The following PDGFRA variants were observed in gnomAD, a reference collection of about 807,000 sequenced individuals.
The protein encoded by PDGFRA is platelet-derived growth factor receptor alpha.
PDGFRA carries 25 observed loss-of-function variants against 121.5 expected under a neutral mutation model. The observed-to-expected ratio is 0.21, with a 90% confidence interval of 0.15 to 0.29. The LOEUF is 0.29. PDGFRA is among the 10% of genes least tolerant of loss of function. PDGFRA has a pLI of 1.00. For missense variants in PDGFRA, 1,008 were observed against 1,345.1 expected, an observed-to-expected ratio of 0.75 and a Z score of 3.92; for synonymous variants, 463 against 494.8, an observed-to-expected ratio of 0.94 and a Z score of 0.85.
chr4:54,260,463 T>A (rs1305203452), intron 2 of PDGFRA, among the ~76,000 whole-genome samples: 1 of 139,736 alleles, frequency 7.2e-6, no homozygotes, highest in Non-Finnish European at 1.5e-5. Flanking sequence ...CAGGTTGGAG[T>A]GCAGAGGCTG....
At chr4:54,267,769 CTT>C in intron 7 of PDGFRA, 28 bp downstream of exon 7, 2 of 1,592,950 alleles carry the variant, frequency 1.3e-6, no homozygotes, top group Non-Finnish European at 1.7e-6. Context: ...CCAAGTATGC[CTT>C]TTTTTAGTGT....
chr4:54,274,788 T>C, intron 11 of PDGFRA, 53 bp from the exon 12 acceptor site: 2 of 1,603,666 alleles, frequency 1.2e-6, no homozygotes, highest in East Asian at 2.2e-5. Flanking sequence ...AGTGAAGCTC[T>C]GGTGCACTGG....
rs889455222 is a variant in PDGFRA, at chr4:54,295,787, C to T, written c.*515C>T. 1 of 244,648 alleles carries T rather than the reference C, an allele frequency of 4.1e-6. No individual in the cohort carries two copies. The highest frequency in any genetic ancestry group is 8.0e-6 in the Non-Finnish European group (1 of 124,292). The allele number at this position is 244,648 out of a possible 1,614,324, so 15.2% of individuals were successfully genotyped here. On this transcript the variant is annotated 3_prime_UTR_variant, in exon 23 of 23. Transcript: ENST00000257290. ...AGTGCATGAAAAACCATTTTTGAAC[C>T]TTAAAAGGTACTGGTACTATAGCAT...
At chr4:54,259,675 C>T (rs1722580227) in intron 2 of PDGFRA, among the ~76,000 whole-genome samples, 1 of 152,132 alleles carries the variant, frequency 6.6e-6, no homozygotes. Flanking sequence ...TAGAATTGAG[C>T]AAGACCAGAG....
intron 1 of PDGFRA, among the ~76,000 whole-genome samples, chr4:54,236,148 G>A (rs987104490): frequency 5.9e-5 from 9 of 152,344 alleles, no homozygotes; most frequent in Admixed American, 3.3e-4. Context: ...GTTGGCATGA[G>A]GGAAGTAATT....
At chr4:54,252,687 G>A (rs1325549646) in intron 1 of PDGFRA, among the ~76,000 whole-genome samples, 4 of 152,222 alleles carry the variant, frequency 2.6e-5, no homozygotes, top group Non-Finnish European at 5.9e-5. Context: ...AGTCACCAGT[G>A]GCTTTTGGGA....
At position 54,273,531 on chromosome 4, in the gene PDGFRA, C is replaced by T. The variant is rs1723521425; in HGVS notation, c.1365-6C>T. 1.9e-6 allele frequency: 3 copies of T among 1,613,058 alleles called. No individual in the cohort carries two copies. Among genetic ancestry groups the T allele is most frequent in the African/African-American group, 2.7e-5 (2 of 74,906 alleles). On this transcript the variant is annotated splice_region_variant and splice_polypyrimidine_tract_variant and intron_variant, in intron 9 of 22. Transcript: ENST00000257290. ...GGCCCTATACTTAGGCCCTTTTTCTCTCTAGATGTAATAATGAAACTTCCT... is the reference window on the plus strand; with the variant it reads ...GGCCCTATACTTAGGCCCTTTTTCTTTCTAGATGTAATAATGAAACTTCCT...
At chr4:54,249,468 G>T (rs900261296) in intron 1 of PDGFRA, among the ~76,000 whole-genome samples, 1 of 152,200 alleles carries the variant, frequency 6.6e-6, no homozygotes, top group South Asian at 2.1e-4. Flanking sequence ...AAAATGATGA[G>T]TTCAGGTCCT....
intron 1 of PDGFRA, among the ~76,000 whole-genome samples, chr4:54,257,567 G>C (rs1204024043): frequency 1.3e-5 from 2 of 152,084 alleles, no homozygotes; most frequent in Non-Finnish European, 2.9e-5. Flanking sequence ...TTTTTGGGGG[G>C]TTATGTTAAA....
chr4:54,267,242 T>G (rs757333823), intron 5 of PDGFRA, 47 bp from the exon 6 acceptor site: 1 of 1,580,526 alleles, frequency 6.3e-7, no homozygotes, highest in South Asian at 1.1e-5. Context: ...AGTTCACTCC[T>G]AGGAGCGAGC....
At chr4:54,271,528 G>A (rs1560476574) in intron 8 of PDGFRA, among the ~76,000 whole-genome samples, 1 of 151,908 alleles carries the variant, frequency 6.6e-6, no homozygotes, top group Non-Finnish European at 1.5e-5. Flanking sequence ...AAATAACCAA[G>A]GGACTTTCTC....
At chr4:54,273,389 T>C in intron 9 of PDGFRA, 148 bp from the exon 10 acceptor site, 1 of 688,856 alleles carries the variant, frequency 1.5e-6, no homozygotes, top group Non-Finnish European at 2.6e-6. Flanking sequence ...GTTTTAATGT[T>C]CATCTGCATG....
At chr4:54,260,616 C>G (rs1444140942) in intron 2 of PDGFRA, among the ~76,000 whole-genome samples, 2 of 151,676 alleles carry the variant, frequency 1.3e-5, no homozygotes, top group East Asian at 3.9e-4. Flanking sequence ...CTACGTTGCC[C>G]AGGCTGGTCT....
Position 54,258,745 on chromosome 4 carries a change from T to G in PDGFRA, c.-12-12T>G, listed in dbSNP as rs773041915. 6.3e-6 allele frequency: 10 copies of G among 1,589,716 alleles called. No homozygotes were observed. The South Asian group carries it at 7.7e-5, about 12-fold the overall frequency. On this transcript the variant is annotated splice_polypyrimidine_tract_variant and intron_variant, in intron 1 of 22. Coordinates refer to ENST00000257290, the MANE Select transcript of PDGFRA (RefSeq NM_006206.6). ...TGCTAATGCTGTTTCTGTTGACTTT[T>G]GACTTTTCTAGTTTCCCAGAGCTAT...
At chr4:54,239,674 A>T (rs146317756) in intron 1 of PDGFRA, among the ~76,000 whole-genome samples, 1,525 of 152,206 alleles carry the variant, frequency 0.01, 19 homozygotes, top group African/African-American at 0.034. Flanking sequence ...TTTTGGACAG[A>T]TGGGAAAGTG....
Position 54,295,349 on chromosome 4 carries a change from C to T in PDGFRA, c.*77C>T, listed in dbSNP as rs1045757359. On this transcript the variant is annotated 3_prime_UTR_variant, in exon 23 of 23. Coordinates refer to ENST00000257290, the MANE Select transcript of PDGFRA (RefSeq NM_006206.6). Reference sequence around the variant, plus strand: ...TTCAGAAAACCACTTTATTGCAATGCAGAGGTTGAGAGGAGGACTTGGTTG... The same window carrying T: ...TTCAGAAAACCACTTTATTGCAATGTAGAGGTTGAGAGGAGGACTTGGTTG... 1.5e-5 allele frequency: 22 copies of T among 1,431,670 alleles called. No individual in the cohort carries two copies. In the African/African-American group the frequency reaches 2.0e-4, roughly 13 times the overall value. 88.7% of individuals were successfully genotyped at this position (1,431,670 alleles called of 1,614,324 possible).
intron 1 of PDGFRA, among the ~76,000 whole-genome samples, chr4:54,255,248 T>C (rs1722296722): frequency 6.6e-6 from 1 of 152,172 alleles, no homozygotes; most frequent in Admixed American, 6.5e-5. Context: ...TAATGATTTC[T>C]TTTTGTTCTA....
At chr4:54,285,778 AG>A in intron 17 of PDGFRA, 62 bp from the exon 18 acceptor site, 1 of 1,480,038 alleles carries the variant, frequency 6.8e-7, no homozygotes. Flanking sequence ...CCAGTCTTGC[AG>A]GGGTGATGCT....
chr4:54,245,654 A>C lies in PDGFRA; in HGVS notation c.-12-13103A>C, dbSNP rs1430636490. Among the ~76,000 whole-genome samples, 3 of 151,854 alleles carry C rather than the reference A, an allele frequency of 2.0e-5. No individual in the cohort carries two copies. In the East Asian group the frequency reaches 5.8e-4, roughly 29 times the overall value. On this transcript the variant is annotated intron_variant, in intron 1 of 22. Transcript: ENST00000257290. ...TTGAGGCTAGGAAGAAACTGCATCA[A>C]CTAACGAGCAAAATAACCAGCTAAC...
Sources: allele counts gnomAD v4.1 joint callset (sites outside exome capture counted in the v4.1 genomes callset), GRCh38; gene constraint gnomAD v4.1.1; transcripts MANE v1.5; gene names NCBI Gene and HGNC (gene_info 2026-07-23, HGNC 2026-07-21).